FRMPD1: variants seen among roughly 807,000 people sequenced by gnomAD.
FRMPD1 encodes FERM and PDZ domain-containing protein 1.
In FRMPD1, 76 loss-of-function variants were observed where a neutral mutation model predicts 117.8. That is an observed-to-expected ratio of 0.65 (90% CI 0.54 to 0.78). FRMPD1 has a LOEUF of 0.78. FRMPD1 is among the 30% of genes least tolerant of loss of function. The probability of loss-of-function intolerance (pLI) is 0.00; values close to 1 mark genes in which losing one functional copy is unlikely to be tolerated. For missense variants in FRMPD1, 1,786 were observed against 1,964.5 expected (o/e 0.91, Z 1.72); for synonymous variants, 783 against 770.4 (o/e 1.02, Z -0.27).
At chr9:37,708,264 A>G (rs1215588337) in intron 3 of FRMPD1, 135 bp from the exon 4 acceptor site, 18 of 645,634 alleles carry the variant, frequency 2.8e-5, no homozygotes, top group Non-Finnish European at 4.5e-5. Context: ...CATGAGCCCA[A>G]GCCTGACTGA....
At chr9:37,681,730 T>C (rs1821737420) in intron 1 of FRMPD1, among the ~76,000 whole-genome samples, 1 of 152,238 alleles carries the variant, frequency 6.6e-6, no homozygotes, top group African/African-American at 2.4e-5. Flanking sequence ...CAGACATCTG[T>C]AACTTGCCAT....
rs1333127233 is a variant in FRMPD1, at chr9:37,696,549, C to T, written c.101+3807C>T. Among the ~76,000 whole-genome samples the T allele has an allele frequency of 3.9e-5, 6 of 152,184 alleles. No individual in the cohort carries two copies. In the East Asian group the frequency reaches 1.2e-3, roughly 29 times the overall value. On this transcript the variant is annotated intron_variant, in intron 2 of 15. Transcript: ENST00000377765. The stretch of plus-strand genomic sequence containing the variant: ...TTAAAATGCACATCCCTCCTTCTTC[C>T]AAAAGGAATTTTTAATGATTACAGT...
chr9:37,638,008 C>CTTTCTT, the FRMPD1 span, among the ~76,000 whole-genome samples: 4 of 107,198 alleles, frequency 3.7e-5, no homozygotes, highest in African/African-American at 1.3e-4. Context: ...TTCTTTCTTT[C>CTTTCTT]TTTCTTTCTT....
chr9:37,611,189 T>A, the FRMPD1 span, among the ~76,000 whole-genome samples: 1 of 152,230 alleles, frequency 6.6e-6, no homozygotes, highest in Non-Finnish European at 1.5e-5. Flanking sequence ...TTGATAGATA[T>A]TGCCAAATTT....
intron 10 of FRMPD1, 63 bp downstream of exon 10, chr9:37,732,503 C>A: frequency 2.0e-6 from 3 of 1,487,368 alleles, no homozygotes; most frequent in South Asian, 1.3e-5. Context: ...GCCAGGAGGG[C>A]CAGATGCCAC....
the FRMPD1 span, among the ~76,000 whole-genome samples, chr9:37,627,278 C>T: frequency 4.1e-4 from 63 of 152,232 alleles, no homozygotes; most frequent in African/African-American, 1.4e-3. Flanking sequence ...ACCTCTTTGC[C>T]TCCCCATAAG....
intron 10 of FRMPD1, 147 bp downstream of exon 10, chr9:37,732,587 T>C (rs367874495): frequency 8.9e-6 from 7 of 783,652 alleles, no homozygotes. Context: ...CCCTCTCTAA[T>C]CTGACCTGGC....
At chr9:37,638,034 CTTCCTTTCTTTCT>C in the FRMPD1 span, among the ~76,000 whole-genome samples, 87 of 64,012 alleles carry the variant, frequency 1.4e-3, 6 homozygotes, top group African/African-American at 4.2e-3. Context: ...CTCTCTCTTT[CTTCCTTTCTTTCT>C]TTCCTTTCTT....
intron 2 of FRMPD1, among the ~76,000 whole-genome samples, chr9:37,700,700 A>G (rs1261192912): frequency 2.6e-5 from 4 of 152,326 alleles, no homozygotes; most frequent in South Asian, 2.1e-4. Context: ...GAATTCATCT[A>G]TGTGAGACTG....
intron 2 of FRMPD1, chr9:37,693,001 C>T (rs3827512): frequency 0.048 from 25,603 of 538,526 alleles, 2,909 homozygotes; most frequent in East Asian, 0.39. Context: ...CACACTGACA[C>T]ACAGACATAC....
intron 2 of FRMPD1, among the ~76,000 whole-genome samples, chr9:37,704,549 G>T (rs1024202734): frequency 6.6e-6 from 1 of 152,014 alleles, no homozygotes; most frequent in Non-Finnish European, 1.5e-5. Context: ...CTTCCCAGCT[G>T]TATGACTTTA....
chr9:37,725,327 T>C (rs1363906793), intron 7 of FRMPD1, among the ~76,000 whole-genome samples: 1 of 152,178 alleles, frequency 6.6e-6, no homozygotes, highest in Non-Finnish European at 1.5e-5. Flanking sequence ...AGAGGAAACA[T>C]TGAGCCCAGC....
chr9:37,741,002 C>A, intron 15 of FRMPD1, 118 bp downstream of exon 15: 1 of 772,422 alleles, frequency 1.3e-6, no homozygotes, highest in Non-Finnish European at 2.2e-6. Context: ...GGTCCCTGTA[C>A]ACTTCTGAGG....
intron 15 of FRMPD1, among the ~76,000 whole-genome samples, chr9:37,741,171 A>C (rs1824395131): frequency 6.6e-6 from 1 of 151,984 alleles, no homozygotes; most frequent in Non-Finnish European, 1.5e-5. Flanking sequence ...GCCCTGTGGG[A>C]GGGACAGAAT....
At chr9:37,607,461 A>G in the FRMPD1 span, among the ~76,000 whole-genome samples, 6 of 151,718 alleles carry the variant, frequency 4.0e-5, no homozygotes, top group Non-Finnish European at 7.4e-5. Context: ...GGATTAGGGG[A>G]AAAAGCGCCT....
chr9:37,642,843 CTT>C, the FRMPD1 span, among the ~76,000 whole-genome samples: 13 of 152,084 alleles, frequency 8.5e-5, no homozygotes, highest in Admixed American at 8.5e-4. Context: ...GTTGTTATTT[CTT>C]TTCTTTCTGC....
chr9:37,682,365 A>G (rs961396942), intron 1 of FRMPD1, among the ~76,000 whole-genome samples: 7 of 152,204 alleles, frequency 4.6e-5, no homozygotes, highest in Admixed American at 6.5e-5. Context: ...TTTGGGGGCA[A>G]TAGTGGGAGA....
intron 5 of FRMPD1, among the ~76,000 whole-genome samples, chr9:37,717,339 A>ATG (rs1202375364): frequency 3.6e-5 from 3 of 84,422 alleles, no homozygotes; most frequent in African/African-American, 1.1e-4. Context: ...GTATGTGTAT[A>ATG]TATGTGTGTG....
intron 1 of FRMPD1, chr9:37,670,015 AAAAG>A (rs1170340921): frequency 1.3e-5 from 2 of 152,114 alleles, no homozygotes; most frequent in Non-Finnish European, 2.9e-5. Context: ...AAGAAAAGAA[AAAAG>A]AAAGTAAATA....
Sources: gnomAD v4.1 joint callset for allele counts (sites outside exome capture counted in the v4.1 genomes callset) on GRCh38, gnomAD v4.1.1 for gene constraint, MANE v1.5 for transcripts, NCBI Gene and HGNC (gene_info 2026-07-23, HGNC 2026-07-21) for gene names.